SHMT1: variants seen among roughly 807,000 people sequenced by gnomAD.
SHMT1 encodes serine hydroxymethyltransferase, cytosolic.
A neutral mutation model predicts 49.0 loss-of-function variants in SHMT1; 45 were observed. The observed-to-expected ratio is 0.92, with a 90% CI of 0.72 to 1.18. The LOEUF (loss-of-function observed/expected upper bound fraction) is 1.18, where lower values mean the gene tolerates loss of function less well. Ranked by LOEUF, SHMT1 falls within the 50% of genes most tolerant of loss-of-function variation. The probability of loss-of-function intolerance (pLI) is 0.00; values close to 1 mark genes in which losing one functional copy is unlikely to be tolerated. For missense variants in SHMT1, 541 were observed against 612.4 expected (o/e 0.88, Z 1.23); for synonymous variants, 232 against 246.6 (o/e 0.94, Z 0.55).
intron 5 of SHMT1, among the ~76,000 whole-genome samples, chr17:18,345,946 T>A (rs903734053): frequency 3.9e-5 from 6 of 152,186 alleles, no homozygotes; most frequent in African/African-American, 1.4e-4. Context: ...CTTCCCAAAG[T>A]GCTGTGATTA....
At position 18,343,470 on chromosome 17, in the gene SHMT1, T is replaced by C. The variant is rs184615572; in HGVS notation, c.520-2657A>G. Among the ~76,000 whole-genome samples the C allele has an allele frequency of 6.6e-5, 10 of 151,642 alleles. No homozygotes were observed. In the East Asian group the frequency reaches 1.9e-3, roughly 29 times the overall value. On this transcript the variant is annotated intron_variant, in intron 5 of 11. Transcript: ENST00000316694. Reference sequence around the variant, plus strand: ...CTAAAAACACAAAATTAGCCAGGCATGGTGGTACACACCTGCAGTCCTAGC... The same window carrying C: ...CTAAAAACACAAAATTAGCCAGGCACGGTGGTACACACCTGCAGTCCTAGC...
intron 8 of SHMT1, among the ~76,000 whole-genome samples, chr17:18,335,188 C>T (rs1983655293): frequency 6.6e-6 from 1 of 152,250 alleles, no homozygotes. Context: ...GGGTCCTCCA[C>T]TGCCACAGGC....
intron 1 of SHMT1, among the ~76,000 whole-genome samples, chr17:18,361,124 G>A (rs1477083498): frequency 4.0e-5 from 6 of 151,796 alleles, no homozygotes; most frequent in Non-Finnish European, 5.9e-5. Flanking sequence ...TGACCAACAC[G>A]GTAAAACTCC....
At chr17:18,356,823 A>G (rs1410959273) in intron 1 of SHMT1, among the ~76,000 whole-genome samples, 1 of 152,000 alleles carries the variant, frequency 6.6e-6, no homozygotes, top group Non-Finnish European at 1.5e-5. Context: ...AGAAATGAGA[A>G]CTGACCCTCC....
At chr17:18,330,161 A>T (rs1405736278) in intron 10 of SHMT1, among the ~76,000 whole-genome samples, 1 of 133,772 alleles carries the variant, frequency 7.5e-6, no homozygotes, top group South Asian at 2.4e-4. Context: ...TTTTAGACAG[A>T]GTCTCATTCT....
chr17:18,362,326 CTT>C (rs1387305691), intron 1 of SHMT1, among the ~76,000 whole-genome samples: 1 of 151,902 alleles, frequency 6.6e-6, no homozygotes, highest in African/African-American at 2.4e-5. Context: ...CTTTCTCTCT[CTT>C]TCTTTCTTTT....
chr17:18,333,156 G>A lies in SHMT1; in HGVS notation c.1054+10C>T. 1.9e-6 allele frequency: 3 copies of A among 1,613,938 alleles called. No homozygotes were observed. The highest frequency in any genetic ancestry group is 2.2e-5 in the South Asian group (2 of 91,082). ...AGAACAGGCCTGCTGAACACCATCT[G>A]TGTCTCTACCTGTGACTATTTTGTA... On this transcript the variant is annotated intron_variant, in intron 9 of 11. Coordinates refer to ENST00000316694, the MANE Select transcript of SHMT1 (RefSeq NM_004169.5).
chr17:18,333,028 G>T, intron 9 of SHMT1, 138 bp downstream of exon 9: 1 of 1,135,668 alleles, frequency 8.8e-7, no homozygotes, highest in Non-Finnish European at 1.3e-6. Context: ...TGGAGGCGAG[G>T]CTGACCTCCT....
chr17:18,344,222 C>T (rs1984836031), intron 5 of SHMT1, among the ~76,000 whole-genome samples: 1 of 152,240 alleles, frequency 6.6e-6, no homozygotes, highest in Middle Eastern at 3.4e-3. Flanking sequence ...TTTCGGGAAC[C>T]AAGACCTCAT....
intron 10 of SHMT1, 108 bp downstream of exon 10, chr17:18,330,445 GTT>G: frequency 1.1e-6 from 1 of 893,426 alleles, no homozygotes; most frequent in Non-Finnish European, 1.9e-6. Context: ...CCCCACTACA[GTT>G]TTTATGTGAG....
At chr17:18,334,945 T>C (rs1983632027) in intron 8 of SHMT1, among the ~76,000 whole-genome samples, 1 of 152,200 alleles carries the variant, frequency 6.6e-6, no homozygotes, top group African/African-American at 2.4e-5. Flanking sequence ...TAGAAGTGCT[T>C]GTGCGTCTCC....
intron 5 of SHMT1, among the ~76,000 whole-genome samples, chr17:18,343,335 G>A (rs775131975): frequency 2.0e-5 from 3 of 151,854 alleles, no homozygotes; most frequent in East Asian, 1.9e-4. Context: ...TCAGCCAGGC[G>A]TGGTGGCTCA....
chr17:18,342,935 CAAA>C (rs1028950543), intron 5 of SHMT1, among the ~76,000 whole-genome samples: 1 of 128,628 alleles, frequency 7.8e-6, no homozygotes. Context: ...GACTCTGTCT[CAAA>C]AAAAAAAAAT....
intron 5 of SHMT1, chr17:18,341,499 A>T (rs1314064559): frequency 1.3e-5 from 2 of 152,944 alleles, no homozygotes; most frequent in African/African-American, 4.8e-5. Flanking sequence ...AATTAGCCAG[A>T]TATGGTGGCG....
At chr17:18,333,529 G>A (rs569485050) in intron 8 of SHMT1, 8 of 167,584 alleles carry the variant, frequency 4.8e-5, no homozygotes, top group Non-Finnish European at 9.9e-5. Context: ...GCAGTGGTGT[G>A]ATCTCGGTTC....
intron 3 of SHMT1, among the ~76,000 whole-genome samples, chr17:18,350,843 C>T (rs371003726): frequency 1.3e-5 from 2 of 151,494 alleles, no homozygotes; most frequent in East Asian, 2.0e-4. Context: ...AGCGATTCTC[C>T]TACCTCAGCC....
chr17:18,348,374 G>C lies in SHMT1; in HGVS notation c.309C>G (p.Ala103=). Residue 103 remains alanine, a synonymous_variant, in exon 4 of 12, where the codon GCC becomes GCG. Transcript: ENST00000316694. ...CCCAGCACTGTGGGTCCAGCTTATA[G>C]GCCTGCAGGGCTCGCTTCTGACAGA... is the stretch of plus-strand genomic sequence containing the variant. ...ETLCQKRALQ[A]YKLDPQCWGV... 1 of 1,614,006 alleles carries C rather than the reference G, an allele frequency of 6.2e-7. No individual in the cohort carries two copies. Among genetic ancestry groups the C allele is most frequent in the Non-Finnish European group, 8.5e-7 (1 of 1,179,884 alleles).
intron 3 of SHMT1, among the ~76,000 whole-genome samples, chr17:18,353,231 T>A (rs1985897662): frequency 6.6e-6 from 1 of 152,266 alleles, no homozygotes; most frequent in African/African-American, 2.4e-5. Flanking sequence ...AGCCACTGCA[T>A]GTGTAAATCC....
intron 1 of SHMT1, among the ~76,000 whole-genome samples, chr17:18,359,526 A>G (rs890961748): frequency 3.3e-5 from 5 of 151,928 alleles, no homozygotes; most frequent in Non-Finnish European, 7.4e-5. Context: ...AATATAAAAA[A>G]TTAATTGGGT....
Sources: allele counts gnomAD v4.1 joint callset (sites outside exome capture counted in the v4.1 genomes callset), GRCh38; gene constraint gnomAD v4.1.1; transcripts MANE v1.5; gene names NCBI Gene and HGNC (gene_info 2026-07-23, HGNC 2026-07-21).